CPA3: variants seen among roughly 807,000 people sequenced by gnomAD.
CPA3 encodes carboxypeptidase A3, also known as mast cell carboxypeptidase A.
CPA3 carries 52 observed loss-of-function variants against 55.8 expected under a neutral mutation model. The observed-to-expected ratio is 0.93, with a 90% confidence interval of 0.75 to 1.17. CPA3 has a LOEUF of 1.17. CPA3 is among the 50% of genes most tolerant of loss of function. The probability of loss-of-function intolerance (pLI) is 0.00; values close to 1 mark genes in which losing one functional copy is unlikely to be tolerated. For synonymous variants in CPA3, 179 were observed against 171.2 expected, an observed-to-expected ratio of 1.05 and a Z score of -0.36; for missense variants, 547 against 509.1, an observed-to-expected ratio of 1.07 and a Z score of -0.72.
In CPA3 at chr3:148,896,726, G is replaced by C. The variant is rs773048186; in HGVS notation, c.*19G>C. The C allele has an allele frequency of 2.7e-6, 4 of 1,461,660 alleles. No individual in the cohort carries two copies. The African/African-American group carries it at 5.6e-5, about 20-fold the overall frequency. The allele number at this position is 1,461,660 out of a possible 1,614,324, so 90.5% of individuals were successfully genotyped here. On this transcript the variant is annotated 3_prime_UTR_variant, in exon 11 of 11. Transcript: ENST00000296046. ...TTCCTAAAGAACTGCCCTCTGTTTGGAATAAGCCAATTAATCCTTTTTTGT... is the reference window on the plus strand; with the variant it reads ...TTCCTAAAGAACTGCCCTCTGTTTGCAATAAGCCAATTAATCCTTTTTTGT...
Position 148,878,516 on chromosome 3 carries a change from C to T in CPA3, c.345C>T (p.Ser115=). The change falls in exon 4 of 11, where the codon AGC becomes AGT. Residue 115 remains serine, a synonymous_variant. Coordinates refer to ENST00000296046, the MANE Select transcript of CPA3 (RefSeq NM_001870.4). ...DVKEDIPGRH[S]YAKYNNWEKI... is the part of the protein sequence containing the mutation. Reference sequence around the variant, plus strand: ...AAGAAGATATCCCAGGCAGGCACAGCTACGCAAAATACAATAATTGGGAAA... The same window carrying T: ...AAGAAGATATCCCAGGCAGGCACAGTTACGCAAAATACAATAATTGGGAAA... The T allele has an allele frequency of 1.9e-6, 3 of 1,613,090 alleles. No homozygotes were observed. Among genetic ancestry groups the T allele is most frequent in the Non-Finnish European group, 2.5e-6 (3 of 1,179,228 alleles).
Position 148,881,651 on chromosome 3 carries a change from T to G in CPA3, c.687+19T>G. The stretch of plus-strand genomic sequence containing the variant: ...GACAAAGGTACTGCTCTCTACTCTC[T>G]TGTTTGCATTTAGATATTATTTGCT... On this transcript the variant is annotated intron_variant, in intron 7 of 10. Coordinates refer to ENST00000296046, the MANE Select transcript of CPA3 (RefSeq NM_001870.4). 18 of 1,497,132 alleles carry G rather than the reference T, an allele frequency of 1.2e-5. No individual in the cohort carries two copies. Among genetic ancestry groups the G allele is most frequent in the Non-Finnish European group, 1.7e-5 (18 of 1,082,378 alleles). 92.7% of individuals were successfully genotyped at this position (1,497,132 alleles called of 1,614,324 possible). A position where few individuals can be genotyped will look rare whatever the true frequency, so the allele number is the denominator to read the frequency against.
In CPA3 at chr3:148,874,703, C is replaced by T. The variant is rs141768116; in HGVS notation, c.270-3738C>T. ...ATAAACTCTAATTAAGGGAATACAGCGTTTGTGTTCCACATCAGAACTCAG... is the reference window on the plus strand; with the variant it reads ...ATAAACTCTAATTAAGGGAATACAGTGTTTGTGTTCCACATCAGAACTCAG... On this transcript the variant is annotated intron_variant, in intron 3 of 10. Transcript: ENST00000296046. Among the ~76,000 whole-genome samples, 341 of 152,260 alleles carry T rather than the reference C, an allele frequency of 2.2e-3. 1 individual carries two copies. Among genetic ancestry groups the T allele is most frequent in the African/African-American group, 7.6e-3 (315 of 41,538 alleles).
At chr3:148,890,368 C>T (rs1026202632) in intron 10 of CPA3, among the ~76,000 whole-genome samples, 1 of 152,140 alleles carries the variant, frequency 6.6e-6, no homozygotes, top group Non-Finnish European at 1.5e-5. Context: ...TGAGTCACAT[C>T]ATGAATTAAA....
At chr3:148,893,637 C>T (rs888517719) in intron 10 of CPA3, among the ~76,000 whole-genome samples, 3 of 152,124 alleles carry the variant, frequency 2.0e-5, no homozygotes, top group South Asian at 4.2e-4. Context: ...GCTGAAATAT[C>T]CTACATTTGA....
intron 9 of CPA3, 54 bp from the exon 10 acceptor site, chr3:148,886,039 C>G (rs1405510613): frequency 8.1e-7 from 1 of 1,227,916 alleles, no homozygotes; most frequent in Non-Finnish European, 1.2e-6. Flanking sequence ...TTACATATTC[C>G]TTGGTATTTA....
At chr3:148,873,034 AC>A (rs61212328) in intron 3 of CPA3, among the ~76,000 whole-genome samples, 66,276 of 149,598 alleles carry the variant, frequency 0.44, 16,620 homozygotes, top group Non-Finnish European at 0.57. Context: ...ATACACACAC[AC>A]ACACACACAC....
In CPA3 at chr3:148,882,365, TC is replaced by T. The variant is rs1240151188; in HGVS notation, c.688-139del. ...AAATTATAAGAAAACAATATTTTTT[TC>T]TTTTTATAATAAAGGGCCTCAAGTT... On this transcript the variant is annotated intron_variant, in intron 7 of 10. Coordinates refer to ENST00000296046, the MANE Select transcript of CPA3 (RefSeq NM_001870.4). 8.8e-6 allele frequency: 5 copies of T among 568,308 alleles called. No homozygotes were observed. In the East Asian group the frequency reaches 1.5e-4, roughly 17 times the overall value. 35.2% of individuals were successfully genotyped at this position (568,308 alleles called of 1,614,324 possible).
intron 3 of CPA3, among the ~76,000 whole-genome samples, chr3:148,873,493 G>A (rs1446593639): frequency 6.6e-6 from 1 of 152,236 alleles, no homozygotes; most frequent in Non-Finnish European, 1.5e-5. Flanking sequence ...CCTTGAAACT[G>A]TCAAAGTAGA....
intron 3 of CPA3, among the ~76,000 whole-genome samples, chr3:148,877,647 A>G (rs892503300): frequency 6.6e-6 from 1 of 152,162 alleles, no homozygotes; most frequent in Non-Finnish European, 1.5e-5. Flanking sequence ...ATCCATCACT[A>G]TAGGCACGTT....
chr3:148,872,959 A>T (rs1714104412), intron 3 of CPA3, among the ~76,000 whole-genome samples: 1 of 152,094 alleles, frequency 6.6e-6, no homozygotes, highest in Admixed American at 6.5e-5. Context: ...TCTATTTCAT[A>T]GGGGTTTCAT....
At chr3:148,882,760 C>T (rs935084753) in intron 8 of CPA3, among the ~76,000 whole-genome samples, 165 bp downstream of exon 8, 1 of 151,966 alleles carries the variant, frequency 6.6e-6, no homozygotes, top group African/African-American at 2.4e-5. Flanking sequence ...TGAGGGATGT[C>T]TTGCTGTGTG....
At chr3:148,867,349 G>C (rs1713929630) in intron 2 of CPA3, among the ~76,000 whole-genome samples, 1 of 152,178 alleles carries the variant, frequency 6.6e-6, no homozygotes, top group Non-Finnish European at 1.5e-5. Context: ...TGCTCCTTGT[G>C]CTCCTGGAAT....
intron 9 of CPA3, among the ~76,000 whole-genome samples, chr3:148,884,808 CTG>C (rs1714483214): frequency 6.6e-6 from 1 of 150,806 alleles, no homozygotes; most frequent in South Asian, 2.2e-4. Flanking sequence ...ATGTACAGCA[CTG>C]TGATTTCAAT....
chr3:148,889,427 T>A (rs1714612035), intron 10 of CPA3, among the ~76,000 whole-genome samples: 1 of 152,136 alleles, frequency 6.6e-6, no homozygotes. Context: ...ATGGAGGATC[T>A]CTGGCCTTTA....
intron 10 of CPA3, 146 bp downstream of exon 10, chr3:148,886,323 C>T (rs570439470): frequency 3.2e-4 from 199 of 615,662 alleles, no homozygotes; most frequent in South Asian, 8.2e-4. Flanking sequence ...CTGAATTATA[C>T]GTGAATCTAG....
Position 148,868,945 on chromosome 3 carries a change from C to T in CPA3, c.175C>T (p.His59Tyr), listed in dbSNP as rs780045131. The T allele has an allele frequency of 1.2e-6, 2 of 1,613,992 alleles. No individual in the cohort carries two copies. Among genetic ancestry groups the T allele is most frequent in the Non-Finnish European group, 1.7e-6 (2 of 1,179,976 alleles). Residue 59 changes from histidine to tyrosine, a missense_variant, in exon 3 of 11, where the codon CAC becomes TAC. By Grantham distance (83) the His-to-Tyr change is moderately conservative (BLOSUM62 2). Transcript: ENST00000296046. ...CTTCTGGTATCCAGGTGCCACCCACCACGTAGCTGCTAATATGATGGTGGA... is the reference window on the plus strand; with the variant it reads ...CTTCTGGTATCCAGGTGCCACCCACTACGTAGCTGCTAATATGATGGTGGA... ...LDFWYPGATH[H>Y]VAANMMVDFR...
At chr3:148,888,672 CCA>C (rs1714595589) in intron 10 of CPA3, among the ~76,000 whole-genome samples, 1 of 152,148 alleles carries the variant, frequency 6.6e-6, no homozygotes, top group Non-Finnish European at 1.5e-5. Context: ...CAAGAAAAAC[CCA>C]CAGATAGTCT....
chr3:148,872,291 A>C lies in CPA3; in HGVS notation c.269+3252A>C, dbSNP rs544193839. Among the ~76,000 whole-genome samples, 13 of 152,320 alleles carry C rather than the reference A, an allele frequency of 8.5e-5. No individual in the cohort carries two copies. In the East Asian group the frequency reaches 2.3e-3, roughly 27 times the overall value. On this transcript the variant is annotated intron_variant, in intron 3 of 10. Transcript: ENST00000296046. ...ATCGGACTGAGCCTCTGGGGCAGAC[A>C]CTATACTTGGACTCAGCAGTTAAAA... is the stretch of plus-strand genomic sequence containing the variant.
Sources: gnomAD v4.1 joint callset for allele counts (sites outside exome capture counted in the v4.1 genomes callset) on GRCh38, gnomAD v4.1.1 for gene constraint, MANE v1.5 for transcripts, NCBI Gene and HGNC (gene_info 2026-07-23, HGNC 2026-07-21) for gene names.